ARIH1: variants seen among roughly 807,000 people sequenced by gnomAD.
ARIH1 encodes E3 ubiquitin-protein ligase ARIH1.
A neutral mutation model predicts 85.0 loss-of-function variants in ARIH1; 8 were observed. That is an observed-to-expected ratio of 0.09 (90% CI 0.06 to 0.17). ARIH1 has a LOEUF of 0.17. Ranked by LOEUF, ARIH1 falls within the 10% of genes least tolerant of loss-of-function variation. The pLI, the probability that ARIH1 is intolerant of heterozygous loss-of-function variation, is 1.00. For synonymous variants in ARIH1, 238 were observed against 253.6 expected, an observed-to-expected ratio of 0.94 and a Z score of 0.59; for missense variants, 311 against 718.1, an observed-to-expected ratio of 0.43 and a Z score of 6.48.
At chr15:72,529,806 T>C (rs1280978604) in intron 2 of ARIH1, among the ~76,000 whole-genome samples, 2 of 152,132 alleles carry the variant, frequency 1.3e-5, no homozygotes. Context: ...TGAACAATTA[T>C]GAGATTGAAT....
rs113933005 is a variant in ARIH1 at position 72,595,907 on chromosome 15, G to A, written c.*12615G>A. On this transcript the variant is annotated 3_prime_UTR_variant, in exon 14 of 14. Coordinates refer to ENST00000379887, the MANE Select transcript of ARIH1 (RefSeq NM_005744.5). ...TGCAGTGGTGCAATCTGCAACCTCC[G>A]CCTCCCAGGTTTAAGCGATTCTCCT... The A allele has an allele frequency of 0.068, 9,895 of 144,844 alleles. 506 individuals are homozygous for A. The highest frequency in any genetic ancestry group is 0.14 in the African/African-American group (5,362 of 39,664). The allele number at this position is 144,844 out of a possible 1,614,324, so 9.0% of individuals were successfully genotyped here. A position where few individuals can be genotyped will look rare whatever the true frequency, so the allele number is the denominator to read the frequency against.
At chr15:72,493,944 TA>T (rs906998902) in intron 1 of ARIH1, among the ~76,000 whole-genome samples, 1 of 152,008 alleles carries the variant, frequency 6.6e-6, no homozygotes, top group Non-Finnish European at 1.5e-5. Flanking sequence ...ACAAAAGATT[TA>T]AAAAAAACAT....
chr15:72,488,555 A>G (rs2063846573), intron 1 of ARIH1, among the ~76,000 whole-genome samples: 1 of 152,190 alleles, frequency 6.6e-6, no homozygotes, highest in South Asian at 2.1e-4. Flanking sequence ...AGCTATCCCT[A>G]TATCCAAGCC....
In ARIH1 at chr15:72,587,103, T is replaced by C. The variant is rs2064320319; in HGVS notation, c.*3811T>C. 7.0e-6 allele frequency: 3 copies of C among 429,866 alleles called. No individual in the cohort carries two copies. Among genetic ancestry groups the C allele is most frequent in the Admixed American group, 3.0e-5 (1 of 33,404 alleles). The allele number at this position is 429,866 out of a possible 1,614,324, so 26.6% of individuals were successfully genotyped here. A position where few individuals can be genotyped will look rare whatever the true frequency, so the allele number is the denominator to read the frequency against. ...TTATCACTTTTCCTCTTCAAAGCAC[T>C]TCAACTTACTGTCTAAAACAAGTGG... On this transcript the variant is annotated 3_prime_UTR_variant, in exon 14 of 14. Coordinates refer to ENST00000379887, the MANE Select transcript of ARIH1 (RefSeq NM_005744.5).
chr15:72,540,258 CAAAAAA>C (rs10615863), intron 2 of ARIH1, among the ~76,000 whole-genome samples: 4 of 81,358 alleles, frequency 4.9e-5, no homozygotes, highest in Admixed American at 1.4e-4. Flanking sequence ...GACTTTGTCT[CAAAAAA>C]AAAAAAAAAA....
chr15:72,577,511 A>G (rs2064277011), intron 11 of ARIH1, among the ~76,000 whole-genome samples: 1 of 151,850 alleles, frequency 6.6e-6, no homozygotes, highest in Non-Finnish European at 1.5e-5. Flanking sequence ...TATCTCTACT[A>G]AAAATACAAA....
intron 3 of ARIH1, among the ~76,000 whole-genome samples, chr15:72,547,328 G>A (rs1454297480): frequency 6.6e-6 from 1 of 151,456 alleles, no homozygotes; most frequent in Non-Finnish European, 1.5e-5. Context: ...CGCCTCCTGG[G>A]TTCAAGTGAT....
intron 11 of ARIH1, among the ~76,000 whole-genome samples, chr15:72,576,533 C>G (rs1399001325): frequency 2.1e-5 from 3 of 145,632 alleles, no homozygotes; most frequent in East Asian, 2.0e-4. Context: ...AAAAAAAACC[C>G]TTTGATAGTG....
At position 72,589,976 on chromosome 15, in the gene ARIH1, T is replaced by G. The variant is rs559604542; in HGVS notation, c.*6684T>G. ...TCCTAGCTCTTCCATCTCAGTCTTA[T>G]GATGTAGTTACTATTTTCATTTTAT... On this transcript the variant is annotated 3_prime_UTR_variant, in exon 14 of 14. Transcript: ENST00000379887. 3 of 152,206 alleles carry G rather than the reference T, an allele frequency of 2.0e-5. No individual in the cohort carries two copies. The highest frequency in any genetic ancestry group is 7.2e-5 in the African/African-American group (3 of 41,456). The allele number at this position is 152,206 out of a possible 1,614,324, so 9.4% of individuals were successfully genotyped here.
intron 5 of ARIH1, among the ~76,000 whole-genome samples, chr15:72,560,879 G>T (rs2064194638): frequency 6.6e-6 from 1 of 151,940 alleles, no homozygotes; most frequent in South Asian, 2.1e-4. Context: ...TAAACTTCAG[G>T]ATTCCTCACT....
In ARIH1 at chr15:72,478,573, A is replaced by T. The variant is rs2063803309; in HGVS notation, c.375+3559A>T. Among the ~76,000 whole-genome samples, 3 of 152,310 alleles carry T rather than the reference A, an allele frequency of 2.0e-5. No homozygotes were observed. The South Asian group carries it at 6.2e-4, about 32-fold the overall frequency. Reference sequence around the variant, plus strand: ...ATTGTGCTTTCTAAGTATGCCAGGCATTATGTTAAGCAGAGGATATGCTCC... The same window carrying T: ...ATTGTGCTTTCTAAGTATGCCAGGCTTTATGTTAAGCAGAGGATATGCTCC... On this transcript the variant is annotated intron_variant, in intron 1 of 13. Transcript: ENST00000379887.
At chr15:72,550,422 T>C (rs2140426968) in intron 3 of ARIH1, among the ~76,000 whole-genome samples, 1 of 152,342 alleles carries the variant, frequency 6.6e-6, no homozygotes, top group East Asian at 1.9e-4. Flanking sequence ...TAAGCATGTG[T>C]ATATGTTTTT....
chr15:72,510,240 C>T (rs565084483), intron 1 of ARIH1, among the ~76,000 whole-genome samples: 1 of 152,188 alleles, frequency 6.6e-6, no homozygotes, highest in African/African-American at 2.4e-5. Context: ...GGTATCTTCT[C>T]CTAGTCTGTG....
chr15:72,579,909 T>G (rs2064288484), intron 11 of ARIH1, among the ~76,000 whole-genome samples: 1 of 152,208 alleles, frequency 6.6e-6, no homozygotes, highest in Admixed American at 6.5e-5. Context: ...TCAAACTAAT[T>G]GTTGTATTGC....
chr15:72,559,552 T>C (rs1023930388), intron 5 of ARIH1, among the ~76,000 whole-genome samples: 5 of 152,186 alleles, frequency 3.3e-5, no homozygotes, highest in African/African-American at 1.2e-4. Flanking sequence ...ATTACGGGCG[T>C]GAGCAACCGC....
chr15:72,503,175 T>C (rs1396485171), intron 1 of ARIH1, among the ~76,000 whole-genome samples: 1 of 152,208 alleles, frequency 6.6e-6, no homozygotes, highest in East Asian at 1.9e-4. Context: ...AATTATAATA[T>C]ATATGTGGGA....
chr15:72,542,392 A>G (rs2064111199), intron 2 of ARIH1, among the ~76,000 whole-genome samples: 1 of 152,226 alleles, frequency 6.6e-6, no homozygotes, highest in Non-Finnish European at 1.5e-5. Flanking sequence ...TGAACTTAAT[A>G]GGGAATAAGA....
intron 3 of ARIH1, among the ~76,000 whole-genome samples, chr15:72,547,323 C>T (rs2064134123): frequency 6.6e-6 from 1 of 151,894 alleles, no homozygotes; most frequent in Non-Finnish European, 1.5e-5. Flanking sequence ...GCCTGCGCCT[C>T]CTGGGTTCAA....
chr15:72,510,231 G>T (rs2063944038), intron 1 of ARIH1, among the ~76,000 whole-genome samples: 1 of 152,024 alleles, frequency 6.6e-6, no homozygotes, highest in Non-Finnish European at 1.5e-5. Context: ...TAATTTGCAG[G>T]TATCTTCTCC....
Sources: gnomAD v4.1 joint callset for allele counts (sites outside exome capture counted in the v4.1 genomes callset) on GRCh38, gnomAD v4.1.1 for gene constraint, MANE v1.5 for transcripts, NCBI Gene and HGNC (gene_info 2026-07-23, HGNC 2026-07-21) for gene names.